Variants in SIPA1L1 observed in about 807,000 individuals in gnomAD.
The protein encoded by SIPA1L1 is signal induced proliferation associated 1 like 1.
In SIPA1L1, 26 loss-of-function variants were observed where a neutral mutation model predicts 162.7. The ratio of observed to expected loss-of-function variants is 0.16; its 90% CI spans 0.12 to 0.22. The LOEUF is 0.22. Among genes scored for constraint, SIPA1L1 ranks in the 10% least tolerant of loss-of-function variants. The pLI is 1.00. For missense variants in SIPA1L1, 1,874 were observed against 2,241.0 expected, an observed-to-expected ratio of 0.84 and a Z score of 3.31; for synonymous variants, 829 against 837.4, an observed-to-expected ratio of 0.99 and a Z score of 0.17.
chr14:71,632,327 C>A (rs1262997067), intron 7 of SIPA1L1, among the ~76,000 whole-genome samples: 2 of 152,140 alleles, frequency 1.3e-5, no homozygotes, highest in Non-Finnish European at 2.9e-5. Flanking sequence ...CTGGAAATGC[C>A]TATAGGCACA....
At chr14:71,737,564 G>A (rs1036320058) in intron 22 of SIPA1L1, among the ~76,000 whole-genome samples, 5 of 151,988 alleles carry the variant, frequency 3.3e-5, no homozygotes, top group African/African-American at 4.8e-5. Flanking sequence ...CTGGCCTGCC[G>A]TACCCCAGCT....
At chr14:71,436,874 C>T (rs1272686221) in intron 2 of SIPA1L1, among the ~76,000 whole-genome samples, 1 of 151,000 alleles carries the variant, frequency 6.6e-6, no homozygotes, top group East Asian at 2.0e-4. Context: ...AAGTGATTCT[C>T]CTGCCTCAGT....
At chr14:71,510,567 T>C (rs925135602) in intron 2 of SIPA1L1, among the ~76,000 whole-genome samples, 2 of 152,118 alleles carry the variant, frequency 1.3e-5, no homozygotes, top group African/African-American at 2.4e-5. Flanking sequence ...GCTCATAAGA[T>C]TATCTGGCAT....
chr14:71,448,665 C>T (rs2045589201), intron 2 of SIPA1L1: 1 of 150,344 alleles, frequency 6.7e-6, no homozygotes, highest in African/African-American at 2.5e-5. Flanking sequence ...TTCATAACAG[C>T]CTGCATTTCA....
chr14:71,353,786 TTATTTTAG>T (rs1232019696), intron 2 of SIPA1L1, among the ~76,000 whole-genome samples: 2 of 152,222 alleles, frequency 1.3e-5, no homozygotes, highest in African/African-American at 4.8e-5. Flanking sequence ...GCACTAGGTA[TTATTTTAG>T]TATTTATTTT....
At chr14:71,584,035 C>G (rs1297864810) in intron 4 of SIPA1L1, among the ~76,000 whole-genome samples, 1 of 152,220 alleles carries the variant, frequency 6.6e-6, no homozygotes, top group Admixed American at 6.5e-5. Context: ...TCCTAATACA[C>G]TCAGTGCTCA....
chr14:71,359,561 T>TA (rs764311798), intron 2 of SIPA1L1, among the ~76,000 whole-genome samples: 41 of 152,212 alleles, frequency 2.7e-4, no homozygotes, highest in Admixed American at 6.5e-5. Flanking sequence ...GCCTGCCACA[T>TA]AGTAGATAAT....
intron 2 of SIPA1L1, among the ~76,000 whole-genome samples, chr14:71,363,148 A>G (rs1198696444): frequency 1.3e-5 from 2 of 152,354 alleles, no homozygotes; most frequent in South Asian, 2.1e-4. Context: ...TGATTGATCA[A>G]GCTGTCATCA....
intron 6 of SIPA1L1, among the ~76,000 whole-genome samples, chr14:71,620,234 TA>T (rs1355151278): frequency 6.6e-6 from 1 of 152,112 alleles, no homozygotes; most frequent in Admixed American, 6.5e-5. Flanking sequence ...CATGCCCAGC[TA>T]ATTTTGTATT....
Position 71,724,808 on chromosome 14 carries a change from A to G in SIPA1L1, c.4587A>G (p.Pro1529=), listed in dbSNP as rs1365297931. 2.5e-6 allele frequency: 4 copies of G among 1,614,074 alleles called. No homozygotes were observed. In the South Asian group the frequency reaches 4.4e-5, roughly 18 times the overall value. ...DLKKLIDLES[P]TPESQKSFKF... ...AGAAACTAATTGATCTTGAAAGCCC[A>G]ACTCCTGAATCACAGAAGAGTTTTA... The change falls in exon 19 of 24, where the codon CCA becomes CCG. Residue 1529 remains proline, a synonymous_variant. Transcript: ENST00000381232.
intron 1 of SIPA1L1, 31 bp from the exon 2 acceptor site, chr14:71,321,091 G>A (rs1212998335): frequency 6.6e-6 from 1 of 151,900 alleles, no homozygotes; most frequent in Non-Finnish European, 1.5e-5. Flanking sequence ...AGCGCGCGCC[G>A]GCCGTCTACA....
intron 10 of SIPA1L1, among the ~76,000 whole-genome samples, chr14:71,665,692 G>A (rs117084717): frequency 1.4e-3 from 210 of 152,232 alleles, no homozygotes; most frequent in Non-Finnish European, 2.5e-3. Flanking sequence ...GGGGCAAACA[G>A]CCAAATATAG....
Position 71,661,605 on chromosome 14 carries a change from T to C in SIPA1L1, c.2255+138T>C. On this transcript the variant is annotated intron_variant, in intron 10 of 23. Coordinates refer to ENST00000381232, the MANE Select transcript of SIPA1L1 (RefSeq NM_001386936.1). ...TTTGTCTTTAAACCATGCATGCGGA[T>C]GGCTGAATTCACATGATGATGTAAT... The C allele has an allele frequency of 3.4e-6, 3 of 879,372 alleles. No homozygotes were observed. The South Asian group carries it at 6.2e-5, about 18-fold the overall frequency. The allele number at this position is 879,372 out of a possible 1,614,324, so 54.5% of individuals were successfully genotyped here. A position where few individuals can be genotyped will look rare whatever the true frequency, so the allele number is the denominator to read the frequency against.
intron 2 of SIPA1L1, among the ~76,000 whole-genome samples, chr14:71,491,723 G>C (rs1044386702): frequency 1.4e-5 from 2 of 144,264 alleles, no homozygotes; most frequent in African/African-American, 5.2e-5. Flanking sequence ...TGAGATTACA[G>C]GCGTGAGCCA....
intron 2 of SIPA1L1, among the ~76,000 whole-genome samples, chr14:71,372,550 G>A (rs2038991926): frequency 6.6e-6 from 1 of 152,100 alleles, no homozygotes; most frequent in Non-Finnish European, 1.5e-5. Context: ...TTCTGTCCTA[G>A]TGACTAAGGA....
chr14:71,648,847 A>G (rs1253109569), intron 7 of SIPA1L1, among the ~76,000 whole-genome samples: 1 of 152,196 alleles, frequency 6.6e-6, no homozygotes, highest in Non-Finnish European at 1.5e-5. Context: ...GTGATAGTTA[A>G]TGGAGCTGAG....
chr14:71,541,628 C>A (rs1320088817), intron 4 of SIPA1L1, among the ~76,000 whole-genome samples: 1 of 152,042 alleles, frequency 6.6e-6, no homozygotes, highest in Non-Finnish European at 1.5e-5. Context: ...TAAAAATTAG[C>A]CGGGCATGTT....
At chr14:71,487,011 T>A (rs2048818209) in intron 2 of SIPA1L1, among the ~76,000 whole-genome samples, 2 of 152,202 alleles carry the variant, frequency 1.3e-5, no homozygotes, top group African/African-American at 4.8e-5. Flanking sequence ...TAAGAACTGC[T>A]TTGGGTAGCT....
intron 2 of SIPA1L1, among the ~76,000 whole-genome samples, chr14:71,361,019 A>G (rs535110844): frequency 6.6e-6 from 1 of 151,384 alleles, no homozygotes; most frequent in Non-Finnish European, 1.5e-5. Flanking sequence ...GTTTATATAT[A>G]TTTTTTTTTC....
Sources: allele counts gnomAD v4.1 joint callset (sites outside exome capture counted in the v4.1 genomes callset), GRCh38; gene constraint gnomAD v4.1.1; transcripts MANE v1.5; gene names NCBI Gene and HGNC (gene_info 2026-07-23, HGNC 2026-07-21).